The following ROBO2 variants were observed in gnomAD, a reference collection of about 807,000 sequenced individuals.
ROBO2 encodes the protein roundabout guidance receptor 2.
In ROBO2, 53 loss-of-function variants were observed where a neutral mutation model predicts 160.8. The observed-to-expected ratio is 0.33, with a 90% confidence interval of 0.26 to 0.41. The LOEUF is 0.41. Among genes scored for constraint, ROBO2 ranks in the 10% least tolerant of loss-of-function variants. The pLI is 1.00. For missense variants in ROBO2, 1,577 were observed against 1,722.4 expected (o/e 0.92, Z 1.49); for synonymous variants, 664 against 611.7 (o/e 1.09, Z -1.26).
At chr3:77,405,018 G>A (rs771951529) in intron 2 of ROBO2, among the ~76,000 whole-genome samples, 16 of 152,078 alleles carry the variant, frequency 1.1e-4, no homozygotes, top group Non-Finnish European at 2.4e-4. Flanking sequence ...AAAAATCACA[G>A]AATTGTTTGT....
intron 1 of ROBO2, among the ~76,000 whole-genome samples, chr3:77,055,026 T>C (rs925756819): frequency 5.3e-5 from 8 of 151,812 alleles, no homozygotes; most frequent in Non-Finnish European, 1.2e-4. Context: ...TACATGTTAA[T>C]TGTGGAATTA....
intron 2 of ROBO2, among the ~76,000 whole-genome samples, chr3:76,448,408 G>C (rs7625898): frequency 0.48 from 72,915 of 151,848 alleles, 17,722 homozygotes; most frequent in East Asian, 0.64. Context: ...GGAGGAAAAG[G>C]TATGTCTGAG....
chr3:77,474,267 T>C (rs1207119825), intron 2 of ROBO2, among the ~76,000 whole-genome samples: 1 of 152,146 alleles, frequency 6.6e-6, no homozygotes, highest in East Asian at 1.9e-4. Context: ...ATATAAGCAT[T>C]GGTATACCAT....
chr3:77,011,028 G>A (rs961012005), intron 2 of ROBO2, among the ~76,000 whole-genome samples: 34 of 115,140 alleles, frequency 3.0e-4, no homozygotes, highest in Non-Finnish European at 5.7e-4. Flanking sequence ...TCTTTCTGTC[G>A]GTTCTTTCTT....
intron 2 of ROBO2, among the ~76,000 whole-genome samples, chr3:76,454,608 C>G (rs983464461): frequency 6.6e-6 from 1 of 152,098 alleles, no homozygotes; most frequent in Non-Finnish European, 1.5e-5. Flanking sequence ...CCAATTTCTT[C>G]ATTGTAAAAT....
chr3:76,124,967 T>C (rs1242115238), intron 2 of ROBO2, among the ~76,000 whole-genome samples: 2 of 152,152 alleles, frequency 1.3e-5, no homozygotes, highest in South Asian at 4.1e-4. Flanking sequence ...GCATAATACC[T>C]GATGGGTACT....
chr3:77,440,225 T>C (rs1392630114), intron 2 of ROBO2, among the ~76,000 whole-genome samples: 2 of 152,288 alleles, frequency 1.3e-5, no homozygotes, highest in Admixed American at 1.3e-4. Context: ...ACTGTTTTGG[T>C]CAATAAAAAG....
chr3:77,583,028 G>C (rs2093957409), intron 16 of ROBO2, among the ~76,000 whole-genome samples: 1 of 151,572 alleles, frequency 6.6e-6, no homozygotes, highest in South Asian at 2.1e-4. Flanking sequence ...TGTAGTCCCA[G>C]CTACTCGGGA....
At chr3:77,019,182 G>A (rs554540607) in intron 2 of ROBO2, among the ~76,000 whole-genome samples, 1 of 152,260 alleles carries the variant, frequency 6.6e-6, no homozygotes, top group Non-Finnish European at 1.5e-5. Flanking sequence ...GACAACAGAA[G>A]TGTATTTCTC....
chr3:76,998,188 G>A (rs1418259766), intron 2 of ROBO2, among the ~76,000 whole-genome samples: 1 of 152,074 alleles, frequency 6.6e-6, no homozygotes, highest in Admixed American at 6.6e-5. Context: ...CTACATATTA[G>A]GGAGCATTGA....
chr3:76,969,132 C>T (rs1004746874), intron 2 of ROBO2, among the ~76,000 whole-genome samples: 1 of 152,088 alleles, frequency 6.6e-6, no homozygotes, highest in African/African-American at 2.4e-5. Flanking sequence ...GTTCAAGGAG[C>T]TTTGACAACA....
rs1370024995 is a variant in ROBO2, at chr3:77,293,473, G to C, written c.389-183941G>C. Reference sequence around the variant, plus strand: ...CATAAAGTAAAATTGACGGTTAAATGGGTAAGCTGAGGCTAGATCACCCCA... The same window carrying C: ...CATAAAGTAAAATTGACGGTTAAATCGGTAAGCTGAGGCTAGATCACCCCA... On this transcript the variant is annotated intron_variant, in intron 2 of 25. Coordinates refer to ENST00000461745, the Ensembl canonical transcript of ROBO2. Among the ~76,000 whole-genome samples, 92 of 148,010 alleles carry C rather than the reference G, an allele frequency of 6.2e-4. 3 individuals are homozygous for C. Among genetic ancestry groups the C allele is most frequent in the Non-Finnish European group, 1.0e-3 (70 of 67,754 alleles).
At chr3:76,947,296 C>G (rs920436033) in intron 2 of ROBO2, among the ~76,000 whole-genome samples, 37 of 151,908 alleles carry the variant, frequency 2.4e-4, no homozygotes, top group African/African-American at 8.0e-4. Flanking sequence ...AATAAGATAC[C>G]TCTAGAGGCC....
intron 2 of ROBO2, among the ~76,000 whole-genome samples, chr3:76,407,436 C>T (rs1421593369): frequency 5.3e-5 from 8 of 151,878 alleles, no homozygotes; most frequent in Non-Finnish European, 4.4e-5. Context: ...AGTGCCCAGA[C>T]AGTTGTCTGA....
intron 2 of ROBO2, among the ~76,000 whole-genome samples, chr3:76,090,747 AGAACGGAACG>A (rs762192370): frequency 1.3e-3 from 205 of 152,244 alleles, no homozygotes; most frequent in African/African-American, 2.6e-3. Context: ...ACAGACACAT[AGAACGGAACG>A]GAACGGAACG....
intron 2 of ROBO2, among the ~76,000 whole-genome samples, chr3:76,657,600 G>GTA (rs1400391468): frequency 1.4e-5 from 2 of 140,338 alleles, no homozygotes; most frequent in Admixed American, 7.2e-5. Context: ...ATATATATAT[G>GTA]TATATATATA....
chr3:77,213,414 C>A (rs923907215), intron 2 of ROBO2, among the ~76,000 whole-genome samples: 14 of 152,040 alleles, frequency 9.2e-5, no homozygotes, highest in Non-Finnish European at 2.9e-5. Context: ...TCTATGGGAT[C>A]GGTGGTGATA....
chr3:76,052,548 G>A (rs565637168), intron 2 of ROBO2, among the ~76,000 whole-genome samples: 34 of 151,712 alleles, frequency 2.2e-4, no homozygotes, highest in Admixed American at 2.0e-3. Context: ...TAAAACTTAG[G>A]GTATCTCCTT....
At chr3:77,406,795 A>T (rs2076287086) in intron 2 of ROBO2, among the ~76,000 whole-genome samples, 1 of 152,028 alleles carries the variant, frequency 6.6e-6, no homozygotes, top group South Asian at 2.1e-4. Context: ...ACAATTTCTA[A>T]CTATTTTTGC....
Sources: allele counts gnomAD v4.1 joint callset (sites outside exome capture counted in the v4.1 genomes callset), GRCh38; gene constraint gnomAD v4.1.1; transcripts MANE v1.5; gene names NCBI Gene and HGNC (gene_info 2026-07-23, HGNC 2026-07-21).